MAP3K20: variants seen among roughly 807,000 people sequenced by gnomAD.
The protein encoded by MAP3K20 is HCCS-4.
In MAP3K20, 40 loss-of-function variants were observed where a neutral mutation model predicts 85.7. The observed-to-expected ratio is 0.47, with a 90% CI of 0.36 to 0.61. The LOEUF (loss-of-function observed/expected upper bound fraction) is 0.61, where lower values mean the gene tolerates loss of function less well. Ranked by LOEUF, MAP3K20 falls within the 20% of genes least tolerant of loss-of-function variation. MAP3K20 has a pLI of 0.00. For missense variants in MAP3K20, 817 were observed against 961.7 expected, an observed-to-expected ratio of 0.85 and a Z score of 1.99; for synonymous variants, 325 against 327.7, an observed-to-expected ratio of 0.99 and a Z score of 0.09.
chr2:173,109,082 C>T (rs1687869303), intron 2 of MAP3K20, among the ~76,000 whole-genome samples: 1 of 152,186 alleles, frequency 6.6e-6, no homozygotes, highest in East Asian at 1.9e-4. Context: ...TTTTAATCTC[C>T]TTACTTCTCT....
chr2:173,181,475 G>C (rs566174262), intron 3 of MAP3K20, among the ~76,000 whole-genome samples: 1 of 152,222 alleles, frequency 6.6e-6, no homozygotes, highest in African/African-American at 2.4e-5. Flanking sequence ...AAAACAGATT[G>C]ATAGTTTCTT....
chr2:173,117,627 C>T lies in MAP3K20; in HGVS notation c.159+26437C>T, dbSNP rs141566397. ...ATATTGAATTTTATTTTTAATTGCA[C>T]GAAAAGAATCAATTAGTAATTTTCA... On this transcript the variant is annotated intron_variant, in intron 2 of 19. Coordinates refer to ENST00000375213, the MANE Select transcript of MAP3K20 (RefSeq NM_016653.3). 4.5e-3 allele frequency among the ~76,000 whole-genome samples: 681 copies of T among 151,682 alleles called. 6 individuals are homozygous for T. The highest frequency in any genetic ancestry group is 0.014 in the African/African-American group (587 of 41,242).
chr2:173,129,703 T>C (rs1296952758), intron 2 of MAP3K20, among the ~76,000 whole-genome samples: 5 of 152,206 alleles, frequency 3.3e-5, no homozygotes, highest in South Asian at 2.1e-4. Context: ...TTAAGCGATA[T>C]GGAGGTATTT....
intron 2 of MAP3K20, among the ~76,000 whole-genome samples, chr2:173,110,982 T>C (rs776624107): frequency 2.0e-5 from 3 of 152,222 alleles, no homozygotes; most frequent in Non-Finnish European, 2.9e-5. Flanking sequence ...TAGTTCTACT[T>C]TTAGTTCTTT....
rs1553470343 is a variant in MAP3K20 at position 173,266,797 on chromosome 2, A to AAAAG, written c.*51_*54dup. On this transcript the variant is annotated 3_prime_UTR_variant, in exon 20 of 20. Coordinates refer to ENST00000375213, the MANE Select transcript of MAP3K20 (RefSeq NM_016653.3). ...TCTAAGCAGGTTAAAAAAAAAAAAAAAAAGAAATGTAATGGTTTTTGATAA... is the reference window on the plus strand; with the variant it reads ...TCTAAGCAGGTTAAAAAAAAAAAAAAAAAGAAAGAAATGTAATGGTTTTTGATAA... The AAAAG allele has an allele frequency of 2.2e-6, 3 of 1,354,060 alleles. No individual in the cohort carries two copies. The highest frequency in any genetic ancestry group is 2.9e-6 in the Non-Finnish European group (3 of 1,032,890). 83.9% of individuals were successfully genotyped at this position (1,354,060 alleles called of 1,614,324 possible).
At chr2:173,107,239 G>T (rs1287834295) in intron 2 of MAP3K20, among the ~76,000 whole-genome samples, 3 of 152,196 alleles carry the variant, frequency 2.0e-5, no homozygotes, top group Non-Finnish European at 4.4e-5. Flanking sequence ...ACCAAGCTCT[G>T]CAGAGCAAGG....
chr2:173,242,499 T>C (rs956759308), intron 16 of MAP3K20, among the ~76,000 whole-genome samples: 1 of 151,846 alleles, frequency 6.6e-6, no homozygotes, highest in Non-Finnish European at 1.5e-5. Flanking sequence ...AAAGAAATAA[T>C]TTATTAATAA....
chr2:173,135,427 T>C (rs754969494), intron 2 of MAP3K20, among the ~76,000 whole-genome samples: 7 of 152,190 alleles, frequency 4.6e-5, no homozygotes, highest in Non-Finnish European at 7.3e-5. Context: ...AAGTCCTGCA[T>C]GGAGACTCTG....
At chr2:173,121,063 G>T (rs183956094) in intron 2 of MAP3K20, among the ~76,000 whole-genome samples, 2 of 152,202 alleles carry the variant, frequency 1.3e-5, no homozygotes, top group Admixed American at 1.3e-4. Context: ...CTGTTACAGG[G>T]TTGCCAGTGG....
At chr2:173,263,967 A>G in intron 19 of MAP3K20, 72 bp downstream of exon 19, 15 of 1,536,790 alleles carry the variant, frequency 9.8e-6, no homozygotes, top group Non-Finnish European at 1.1e-5. Context: ...CAGATGATCT[A>G]AAGACTCAGA....
At chr2:173,228,000 A>C (rs1477144238) in intron 11 of MAP3K20, among the ~76,000 whole-genome samples, 2 of 152,144 alleles carry the variant, frequency 1.3e-5, no homozygotes, top group Non-Finnish European at 2.9e-5. Context: ...CTGTTCCTCA[A>C]ATCTTTCTCC....
rs566375446 is a variant in MAP3K20 at position 173,173,746 on chromosome 2, C to T, written c.247+3854C>T. Among the ~76,000 whole-genome samples, 14 of 152,230 alleles carry T rather than the reference C, an allele frequency of 9.2e-5. No homozygotes were observed. In the East Asian group the frequency reaches 1.9e-3, roughly 21 times the overall value. On this transcript the variant is annotated intron_variant, in intron 3 of 19. Coordinates refer to ENST00000375213, the MANE Select transcript of MAP3K20 (RefSeq NM_016653.3). ...TCTATTAGTTATAATTTAAATGAAG[C>T]TTGGTCTTGGTGACATTTTATTACA...
chr2:173,180,097 T>A (rs79217565), intron 3 of MAP3K20, among the ~76,000 whole-genome samples: 1 of 152,180 alleles, frequency 6.6e-6, no homozygotes, highest in Non-Finnish European at 1.5e-5. Flanking sequence ...GACTTTTTTT[T>A]AGAAATTAAC....
chr2:173,141,741 T>G (rs1038883692), intron 2 of MAP3K20, among the ~76,000 whole-genome samples: 2 of 151,928 alleles, frequency 1.3e-5, no homozygotes, highest in African/African-American at 4.8e-5. Flanking sequence ...CAGGATAAAT[T>G]AAAAATGAAA....
At chr2:173,259,817 A>G (rs1246390722) in intron 17 of MAP3K20, among the ~76,000 whole-genome samples, 1 of 152,020 alleles carries the variant, frequency 6.6e-6, no homozygotes, top group African/African-American at 2.4e-5. Flanking sequence ...CCTTTTTCTT[A>G]TTTTGTCAGG....
At chr2:173,089,251 G>A (rs1247388523) in intron 1 of MAP3K20, among the ~76,000 whole-genome samples, 1 of 151,374 alleles carries the variant, frequency 6.6e-6, no homozygotes, top group African/African-American at 2.4e-5. Context: ...ACCTAGATGT[G>A]CCAGTTCTTA....
chr2:173,245,827 G>C (rs563431520), intron 16 of MAP3K20, among the ~76,000 whole-genome samples: 2 of 152,308 alleles, frequency 1.3e-5, no homozygotes, highest in South Asian at 4.1e-4. Context: ...AGCTACTTGG[G>C]AGGCTGGGGC....
chr2:173,110,592 A>C (rs1194081036), intron 2 of MAP3K20, among the ~76,000 whole-genome samples: 1 of 151,668 alleles, frequency 6.6e-6, no homozygotes, highest in Non-Finnish European at 1.5e-5. Context: ...TTTCCCCCAA[A>C]TCCCCAAAGC....
At chr2:173,254,107 G>A (rs1328801354) in intron 16 of MAP3K20, among the ~76,000 whole-genome samples, 1 of 150,620 alleles carries the variant, frequency 6.6e-6, no homozygotes, top group East Asian at 2.0e-4. Flanking sequence ...TGGTCAAAGT[G>A]AATGGTTTTA....
Sources: gnomAD v4.1 joint callset for allele counts (sites outside exome capture counted in the v4.1 genomes callset) on GRCh38, gnomAD v4.1.1 for gene constraint, MANE v1.5 for transcripts, NCBI Gene and HGNC (gene_info 2026-07-23, HGNC 2026-07-21) for gene names.